The following CTNNA3 variants were observed in gnomAD, a reference collection of about 807,000 sequenced individuals.
The protein encoded by CTNNA3 is catenin alpha 3, also known as catenin alpha-3.
Under a neutral mutation model 95.7 loss-of-function variants are expected in CTNNA3, and 76 were observed. The observed-to-expected ratio is 0.79, with a 90% CI of 0.66 to 0.96. The LOEUF is 0.96. Ranked by LOEUF, CTNNA3 falls within the 40% of genes least tolerant of loss-of-function variation. The probability of loss-of-function intolerance (pLI) is 0.00; values close to 1 mark genes in which losing one functional copy is unlikely to be tolerated. For synonymous variants in CTNNA3, 431 were observed against 374.4 expected, an observed-to-expected ratio of 1.15 and a Z score of -1.74; for missense variants, 1,191 against 1,089.8, an observed-to-expected ratio of 1.09 and a Z score of -1.31.
At chr10:67,198,062 A>G in intron 6 of CTNNA3, among the ~76,000 whole-genome samples, 1 of 152,218 alleles carries the variant, frequency 6.6e-6, no homozygotes, top group East Asian at 1.9e-4. Flanking sequence ...AAATTTGGAT[A>G]GTACAAGTAA....
chr10:65,984,346 C>T (rs1198173580), intron 16 of CTNNA3, among the ~76,000 whole-genome samples: 1 of 151,296 alleles, frequency 6.6e-6, no homozygotes, highest in Non-Finnish European at 1.5e-5. Context: ...CAAAGACAAC[C>T]TCCCTAGATG....
intron 13 of CTNNA3, among the ~76,000 whole-genome samples, chr10:66,116,294 GT>G (rs916221696): frequency 2.6e-5 from 4 of 151,708 alleles, no homozygotes; most frequent in African/African-American, 9.7e-5. Flanking sequence ...GTGGAGAATT[GT>G]TTTTTTTAAA....
chr10:67,562,814 C>T (rs549791477), intron 3 of CTNNA3, among the ~76,000 whole-genome samples: 11 of 152,032 alleles, frequency 7.2e-5, no homozygotes, highest in Non-Finnish European at 1.5e-4. Flanking sequence ...AATCAATGTG[C>T]AAAAGTCACA....
intron 6 of CTNNA3, among the ~76,000 whole-genome samples, chr10:67,193,998 T>C (rs1334178891): frequency 6.6e-6 from 1 of 152,094 alleles, no homozygotes; most frequent in African/African-American, 2.4e-5. Context: ...TTTTTAATAC[T>C]AGCCTTTCTG....
chr10:66,291,184 T>A (rs2091675496), intron 12 of CTNNA3, among the ~76,000 whole-genome samples: 1 of 152,160 alleles, frequency 6.6e-6, no homozygotes, highest in South Asian at 2.1e-4. Context: ...CTTCCCTGAT[T>A]GCATTTTCTC....
At position 65,918,909 on chromosome 10, in the gene CTNNA3, T is replaced by A. The variant is rs145516718; in HGVS notation, c.*1421A>T. On this transcript the variant is annotated 3_prime_UTR_variant, in exon 18 of 18. Coordinates refer to ENST00000433211, the MANE Select transcript of CTNNA3 (RefSeq NM_013266.4). ...GTTCTCCTAATATCAACTGGTATTGTATGTGTAAATTTTTTTCTCATCAAT... is the reference window on the plus strand; with the variant it reads ...GTTCTCCTAATATCAACTGGTATTGAATGTGTAAATTTTTTTCTCATCAAT... 1.1e-4 allele frequency: 16 copies of A among 152,296 alleles called. No homozygotes were observed. Among genetic ancestry groups the A allele is most frequent in the African/African-American group, 3.4e-4 (14 of 41,578 alleles). 9.4% of individuals were successfully genotyped at this position (152,296 alleles called of 1,614,324 possible).
intron 5 of CTNNA3, among the ~76,000 whole-genome samples, chr10:67,520,778 C>G (rs949195062): frequency 4.6e-5 from 7 of 152,118 alleles, no homozygotes; most frequent in African/African-American, 1.4e-4. Context: ...ATACCTAGAA[C>G]ACAATTCTCT....
chr10:66,320,812 C>T (rs2092172451), intron 12 of CTNNA3, among the ~76,000 whole-genome samples: 1 of 151,840 alleles, frequency 6.6e-6, no homozygotes, highest in Non-Finnish European at 1.5e-5. Flanking sequence ...AGAGAATAGA[C>T]AGAAATAAAG....
chr10:66,544,864 A>G (rs1458663931), intron 10 of CTNNA3, among the ~76,000 whole-genome samples: 1 of 152,124 alleles, frequency 6.6e-6, no homozygotes, highest in African/African-American at 2.4e-5. Flanking sequence ...ATTATTTTAA[A>G]TGTGTCTAGG....
intron 10 of CTNNA3, among the ~76,000 whole-genome samples, chr10:66,531,878 G>A (rs1430871507): frequency 1.3e-5 from 2 of 151,994 alleles, no homozygotes; most frequent in Non-Finnish European, 2.9e-5. Context: ...AGGCAACAGA[G>A]ATTTTTTGAT....
At chr10:65,974,640 A>G (rs764238975) in intron 16 of CTNNA3, among the ~76,000 whole-genome samples, 1 of 152,096 alleles carries the variant, frequency 6.6e-6, no homozygotes, top group Non-Finnish European at 1.5e-5. Context: ...ATTATTGGGT[A>G]CTATGCTCAC....
intron 5 of CTNNA3, among the ~76,000 whole-genome samples, chr10:67,456,000 C>A (rs1023280511): frequency 6.6e-6 from 1 of 152,082 alleles, no homozygotes; most frequent in Non-Finnish European, 1.5e-5. Flanking sequence ...GAAAGGTATA[C>A]AAGAACTCCT....
At chr10:66,028,362 T>C (rs998709416) in intron 15 of CTNNA3, among the ~76,000 whole-genome samples, 8 of 152,138 alleles carry the variant, frequency 5.3e-5, no homozygotes, top group Admixed American at 4.6e-4. Flanking sequence ...CCAACAATGA[T>C]AGACTGGATT....
At chr10:66,148,184 G>A (rs910278467) in intron 13 of CTNNA3, among the ~76,000 whole-genome samples, 3 of 151,816 alleles carry the variant, frequency 2.0e-5, no homozygotes, top group African/African-American at 7.3e-5. Context: ...GGGCATTAAT[G>A]TCGGGTCATT....
intron 15 of CTNNA3, among the ~76,000 whole-genome samples, chr10:66,016,661 T>C (rs1464894083): frequency 6.6e-6 from 1 of 152,172 alleles, no homozygotes; most frequent in Non-Finnish European, 1.5e-5. Context: ...AAAAAAATCT[T>C]TAACTTAAAA....
chr10:66,501,317 A>G (rs1446135324), intron 11 of CTNNA3, among the ~76,000 whole-genome samples: 1 of 152,108 alleles, frequency 6.6e-6, no homozygotes, highest in Non-Finnish European at 1.5e-5. Flanking sequence ...TCAAATAACA[A>G]TGAAGAATGA....
intron 5 of CTNNA3, among the ~76,000 whole-genome samples, chr10:67,472,704 G>A (rs1838995323): frequency 6.6e-6 from 1 of 152,126 alleles, no homozygotes; most frequent in East Asian, 1.9e-4. Context: ...GGGACTGGGG[G>A]GATAGGGTGC....
At chr10:66,729,629 G>A (rs1329800819) in intron 9 of CTNNA3, among the ~76,000 whole-genome samples, 1 of 152,130 alleles carries the variant, frequency 6.6e-6, no homozygotes, top group African/African-American at 2.4e-5. Context: ...AGTGAACTTT[G>A]GGGACTCAGG....
chr10:67,520,423 G>T (rs919615449), intron 5 of CTNNA3, among the ~76,000 whole-genome samples: 2 of 152,072 alleles, frequency 1.3e-5, no homozygotes, highest in Admixed American at 1.3e-4. Flanking sequence ...AGTGACTACT[G>T]CCTGCCAGCT....
Sources: allele counts gnomAD v4.1 joint callset (sites outside exome capture counted in the v4.1 genomes callset), GRCh38; gene constraint gnomAD v4.1.1; transcripts MANE v1.5; gene names NCBI Gene and HGNC (gene_info 2026-07-23, HGNC 2026-07-21).